Variants in CD164L2 observed in about 807,000 individuals in gnomAD.
CD164L2 encodes CD164 sialomucin-like 2 protein.
CD164L2 carries 21 observed loss-of-function variants against 23.9 expected under a neutral mutation model. The ratio of observed to expected loss-of-function variants is 0.88; its 90% confidence interval spans 0.62 to 1.27. The LOEUF is 1.27. CD164L2 is among the 50% of genes most tolerant of loss of function. The pLI, the probability that CD164L2 is intolerant of heterozygous loss-of-function variation, is 0.00. For missense variants in CD164L2, 230 were observed against 224.8 expected, an observed-to-expected ratio of 1.02 and a Z score of -0.15; for synonymous variants, 92 against 90.2, an observed-to-expected ratio of 1.02 and a Z score of -0.11.
chr1:27,381,871 ACT>A, intron 3 of CD164L2, 47 bp from the exon 4 acceptor site: 1 of 1,604,934 alleles, frequency 6.2e-7, no homozygotes, highest in Non-Finnish European at 8.5e-7. Context: ...CCACCCCCTG[ACT>A]CCCATCAAGA....
In CD164L2 at chr1:27,381,760, C is replaced by A. The variant is rs982606388; in HGVS notation, c.373+20G>T. The A allele has an allele frequency of 1.2e-6, 2 of 1,613,400 alleles. No homozygotes were observed. The highest frequency in any genetic ancestry group is 1.7e-6 in the Non-Finnish European group (2 of 1,179,574). On this transcript the variant is annotated intron_variant, in intron 4 of 5. Coordinates refer to ENST00000374030, the MANE Select transcript of CD164L2 (RefSeq NM_001330448.1). ...TGCACCTCTGCTCCTCCCACTGCCC[C>A]GTCTCCAGGGAGTACTCACCTGTTG... is the stretch of plus-strand genomic sequence containing the variant.
At chr1:27,379,889 C>T in intron 5 of CD164L2, 162 bp downstream of exon 5, 1 of 1,507,080 alleles carries the variant, frequency 6.6e-7, no homozygotes, top group Non-Finnish European at 8.8e-7. Flanking sequence ...AACACCCCAA[C>T]TGGAGGAGAC....
At position 27,382,656 on chromosome 1, in the gene CD164L2, G is replaced by C; in HGVS notation, c.100C>G (p.Arg34Gly). 1.2e-6 allele frequency: 2 copies of C among 1,611,290 alleles called. No individual in the cohort carries two copies. The highest frequency in any genetic ancestry group is 1.7e-6 in the Non-Finnish European group (2 of 1,179,396). The change falls in exon 2 of 6, where the codon CGA (arginine) becomes GGA (glycine). Residue 34 changes from arginine (R) to glycine (G), a missense_variant. By Grantham distance (125) the Arg-to-Gly change is moderately radical. Transcript: ENST00000374030. ...AQLAVAGKGA[R>G]GFGRGALIRL... ...ATCAGGGCTCCCCTCCCAAAGCCTC[G>C]AGCTCCTTTACCTGGTAGTGCGGTG...
chr1:27,382,724 GCCCACCCT>G, intron 1 of CD164L2, 57 bp from the exon 2 acceptor site: 1 of 1,304,128 alleles, frequency 7.7e-7, no homozygotes, highest in Non-Finnish European at 9.9e-7. Context: ...TGTGGCACCC[GCCCACCCT>G]CCCACCCAAC....
chr1:27,379,236 G>A lies in CD164L2; in HGVS notation c.*267C>T. The A allele has an allele frequency of 1.7e-6, 1 of 575,624 alleles. No homozygotes were observed. Among genetic ancestry groups the A allele is most frequent in the South Asian group, 2.0e-5 (1 of 49,122 alleles). The allele number at this position is 575,624 out of a possible 1,614,324, so 35.7% of individuals were successfully genotyped here. The stretch of plus-strand genomic sequence containing the variant: ...CAGGCCAGTTGGTGGAAAGAGGCAG[G>A]CATACAACCCACTGTCAGGCTGGGG... On this transcript the variant is annotated 3_prime_UTR_variant, in exon 6 of 6. Transcript: ENST00000374030.
At position 27,379,287 on chromosome 1, in the gene CD164L2, C is replaced by T. The variant is rs375285487; in HGVS notation, c.*216G>A. The T allele has an allele frequency of 3.6e-5, 22 of 605,748 alleles. No homozygotes were observed. The highest frequency in any genetic ancestry group is 5.7e-5 in the Admixed American group (2 of 35,032). The allele number at this position is 605,748 out of a possible 1,614,324, so 37.5% of individuals were successfully genotyped here. Reference sequence around the variant, plus strand: ...GGCCCAGCAGGGGCGATGGAGGAGACGAGGTGGTTGAGGGATTTTCTCAGC... The same window carrying T: ...GGCCCAGCAGGGGCGATGGAGGAGATGAGGTGGTTGAGGGATTTTCTCAGC... On this transcript the variant is annotated 3_prime_UTR_variant, in exon 6 of 6. Coordinates refer to ENST00000374030, the MANE Select transcript of CD164L2 (RefSeq NM_001330448.1).
chr1:27,379,395 G>A lies in CD164L2; in HGVS notation c.*108C>T, dbSNP rs1365524014. On this transcript the variant is annotated 3_prime_UTR_variant, in exon 6 of 6. Coordinates refer to ENST00000374030, the MANE Select transcript of CD164L2 (RefSeq NM_001330448.1). ...TGGTGCCCGCAGGAGCCAAAAACTG[G>A]CGGCCAGAGTTTTTCCCGCCCCCGC... 2.8e-6 allele frequency: 3 copies of A among 1,078,380 alleles called. No individual in the cohort carries two copies. The highest frequency in any genetic ancestry group is 2.6e-5 in the East Asian group (1 of 38,404). The allele number at this position is 1,078,380 out of a possible 1,614,324, so 66.8% of individuals were successfully genotyped here.
rs538029491 is a variant in CD164L2, at chr1:27,383,289, A to T, written c.-50T>A. The T allele has an allele frequency of 1.9e-4, 230 of 1,230,568 alleles. 1 individual carries two copies. The African/African-American group carries it at 3.0e-3, about 16-fold the overall frequency. 76.2% of individuals were successfully genotyped at this position (1,230,568 alleles called of 1,614,324 possible). A position where few individuals can be genotyped will look rare whatever the true frequency, so the allele number is the denominator to read the frequency against. ...GGGGCGGTGGCCGGGATCGGTGGAC[A>T]GCTGCCGGGCGCGTCCCTCCCAGAC... On this transcript the variant is annotated 5_prime_UTR_variant, in exon 1 of 6. Coordinates refer to ENST00000374030, the MANE Select transcript of CD164L2 (RefSeq NM_001330448.1).
Position 27,380,308 on chromosome 1 carries a change from G to A in CD164L2, c.374-113C>T, listed in dbSNP as rs77539957. On this transcript the variant is annotated intron_variant, in intron 4 of 5. Coordinates refer to ENST00000374030, the MANE Select transcript of CD164L2 (RefSeq NM_001330448.1). Reference sequence around the variant, plus strand: ...GAGGCCCCGGTCCTCAATATGGGGTGCTTAAACCCTGGGCTCCGTTTAGTC... The same window carrying A: ...GAGGCCCCGGTCCTCAATATGGGGTACTTAAACCCTGGGCTCCGTTTAGTC... The A allele has an allele frequency of 0.032, 30,893 of 980,248 alleles. 3,786 individuals carry two copies. The East Asian group carries it at 0.32, about 10-fold the overall frequency. The allele number at this position is 980,248 out of a possible 1,614,324, so 60.7% of individuals were successfully genotyped here.
At position 27,382,515 on chromosome 1, in the gene CD164L2, G is replaced by A. The variant is rs771324495; in HGVS notation, c.241C>T (p.Arg81Trp). ...NLSSCVWEQC[R>W]PEEPGHCVAQ... The stretch of plus-strand genomic sequence containing the variant: ...AGCTCCATACCTGGCTCCTCTGGCC[G>A]GCACTGCTCCCACACGCAGCTGGAG... Residue 81 changes from arginine (R) to tryptophan (W), a missense_variant, in exon 2 of 6, where the codon CGG becomes TGG. By Grantham distance (101) the Arg-to-Trp change is moderately radical (BLOSUM62 -3). Transcript: ENST00000374030. 23 of 1,607,798 alleles carry A rather than the reference G, an allele frequency of 1.4e-5. 1 individual carries two copies. The Middle Eastern group carries it at 1.3e-3, about 93-fold the overall frequency.
rs1473007064 is a variant in CD164L2, at chr1:27,383,151, C to T, written c.88+1G>A. 1 of 1,548,068 alleles carries T rather than the reference C, an allele frequency of 6.5e-7. No individual in the cohort carries two copies. Among genetic ancestry groups the T allele is most frequent in the African/African-American group, 1.4e-5 (1 of 73,108 alleles). On this transcript the variant is annotated splice_donor_variant, in intron 1 of 5. Coordinates refer to ENST00000374030, the MANE Select transcript of CD164L2 (RefSeq NM_001330448.1). LOFTEE classifies it high-confidence loss of function. ...CCTAGCCAGACCCTGCCGCGAGTTA[C>T]CAGCCACAGCCAGCTGGGCACATAG...
At chr1:27,379,883 C>T (rs2016306051) in intron 5 of CD164L2, 168 bp downstream of exon 5, 11 of 1,504,206 alleles carry the variant, frequency 7.3e-6, no homozygotes, top group Non-Finnish European at 9.7e-6. Context: ...AAAGGAAACA[C>T]CCCAACTGGA....
intron 3 of CD164L2, 76 bp downstream of exon 3, chr1:27,382,252 G>A: frequency 6.2e-7 from 1 of 1,613,972 alleles, no homozygotes; most frequent in East Asian, 2.2e-5. Context: ...GCCTGAGAGA[G>A]GCTGTTTCCT....
Position 27,382,336 on chromosome 1 carries a change from G to A in CD164L2, c.320C>T (p.Ala107Val), listed in dbSNP as rs774410941. The change falls in exon 3 of 6, where the codon GCA becomes GTA. Residue 107 changes from alanine (A) to valine (V), a missense_variant. Coordinates refer to ENST00000374030, the MANE Select transcript of CD164L2 (RefSeq NM_001330448.1). Reference sequence around the variant, plus strand: ...TGCAAGAACCCCCTTACCTGGACATGCCTCTGAGCGGTTGTAGATGGAGCA... The same window carrying A: ...TGCAAGAACCCCCTTACCTGGACATACCTCTGAGCGGTTGTAGATGGAGCA... The part of the protein sequence containing the change: ...EGCSIYNRSE[A>V]CPAAHHHPTY... The A allele has an allele frequency of 1.9e-6, 3 of 1,614,076 alleles. No homozygotes were observed. The South Asian group carries it at 3.3e-5, about 18-fold the overall frequency.
intron 3 of CD164L2, chr1:27,382,046 G>A: frequency 1.4e-6 from 2 of 1,465,378 alleles, no homozygotes; most frequent in Non-Finnish European, 1.8e-6. Flanking sequence ...CCTCCAGGAA[G>A]CACTCCCTCT....
Position 27,381,806 on chromosome 1 carries a change from G to A in CD164L2, c.347C>T (p.Thr116Ile). The A allele has an allele frequency of 6.2e-7, 1 of 1,614,028 alleles. No individual in the cohort carries two copies. Among genetic ancestry groups the A allele is most frequent in the Non-Finnish European group, 8.5e-7 (1 of 1,179,960 alleles). Reference sequence around the variant, plus strand: ...TGTTGTGACTGTCTTCGGTTCATAGGTGGGGTGGTGGTGAGCAGCTGAGGA... The same window carrying A: ...TGTTGTGACTGTCTTCGGTTCATAGATGGGGTGGTGGTGAGCAGCTGAGGA... ...EACPAAHHHP[T>I]YEPKTVTTGS... Residue 116 changes from threonine to isoleucine, a missense_variant, in exon 4 of 6, where the codon ACC becomes ATC. Thr to Ile is a moderately conservative substitution (Grantham distance 89, BLOSUM62 -1). Transcript: ENST00000374030.
chr1:27,379,859 A>G, intron 5 of CD164L2, 192 bp downstream of exon 5: 4 of 1,492,252 alleles, frequency 2.7e-6, no homozygotes, highest in Non-Finnish European at 3.5e-6. Flanking sequence ...TCCTGGTCCC[A>G]GCCAACATCT....
Position 27,379,486 on chromosome 1 carries a change from G to A in CD164L2, c.*17C>T, listed in dbSNP as rs1178029786. ...CATCCTCCTTTCCCCTCAGGATGGA[G>A]TCCAGGCCCAAAGGGGTCAGATTCT... On this transcript the variant is annotated 3_prime_UTR_variant, in exon 6 of 6. Coordinates refer to ENST00000374030, the MANE Select transcript of CD164L2 (RefSeq NM_001330448.1). 2.6e-6 allele frequency: 4 copies of A among 1,549,506 alleles called. No individual in the cohort carries two copies. Among genetic ancestry groups the A allele is most frequent in the Non-Finnish European group, 3.5e-6 (4 of 1,146,130 alleles).
chr1:27,383,322 G>T lies in CD164L2; in HGVS notation c.-83C>A, dbSNP rs1248019860. ...GGCGCGTCCCTCCCAGACTGGGCTC[G>T]GCTGAGCGTGTGCGGAGCGAGACCT... On this transcript the variant is annotated 5_prime_UTR_variant, in exon 1 of 6. Coordinates refer to ENST00000374030, the MANE Select transcript of CD164L2 (RefSeq NM_001330448.1). 4 of 892,850 alleles carry T rather than the reference G, an allele frequency of 4.5e-6. No individual in the cohort carries two copies. The African/African-American group carries it at 5.1e-5, about 11-fold the overall frequency. The allele number at this position is 892,850 out of a possible 1,614,324, so 55.3% of individuals were successfully genotyped here. A position where few individuals can be genotyped will look rare whatever the true frequency, so the allele number is the denominator to read the frequency against.
Sources: gnomAD v4.1 joint callset for allele counts on GRCh38, gnomAD v4.1.1 for gene constraint, MANE v1.5 for transcripts, NCBI Gene and HGNC (gene_info 2026-07-23, HGNC 2026-07-21) for gene names.